The following PGM5 variants were observed in gnomAD, a reference collection of about 807,000 sequenced individuals.
PGM5 encodes the protein phosphoglucomutase 5, also known as phosphoglucomutase-like protein 5.
Under a neutral mutation model 59.2 loss-of-function variants are expected in PGM5, and 23 were observed. The observed-to-expected ratio is 0.39, with a 90% CI of 0.28 to 0.55. The LOEUF is 0.55. PGM5 is among the 20% of genes least tolerant of loss of function. The pLI is 0.66. For missense variants in PGM5, 574 were observed against 748.3 expected (o/e 0.77, Z 2.72); for synonymous variants, 214 against 286.0 (o/e 0.75, Z 2.54).
Position 68,395,517 on chromosome 9 carries a change from A to G in PGM5, c.1043+3044A>G, listed in dbSNP as rs1436111509. Among the ~76,000 whole-genome samples, 26 of 152,278 alleles carry G rather than the reference A, an allele frequency of 1.7e-4. 1 individual carries two copies. The highest frequency in any genetic ancestry group is 6.0e-4 in the African/African-American group (25 of 41,558). ...TTTTGATTGGGATTATGTTGAATCT[A>G]TAGAGCCATTTGGGGAGAATAGTAT... On this transcript the variant is annotated intron_variant, in intron 6 of 10. Transcript: ENST00000396396.
Position 68,373,653 on chromosome 9 carries a change from G to A in PGM5, c.262-4546G>A, listed in dbSNP as rs1436486053. 3.9e-5 allele frequency among the ~76,000 whole-genome samples: 6 copies of A among 152,212 alleles called. No individual in the cohort carries two copies. The East Asian group carries it at 1.2e-3, about 29-fold the overall frequency. ...GATTTGGCATTAAACTGTCGTTTAT[G>A]TTTCTTTCGCTACTGCTTAAGAAAA... is the stretch of plus-strand genomic sequence containing the variant. On this transcript the variant is annotated intron_variant, in intron 1 of 10. Coordinates refer to ENST00000396396, the MANE Select transcript of PGM5 (RefSeq NM_021965.4).
At chr9:68,482,342 G>T (rs1824211392) in intron 8 of PGM5, among the ~76,000 whole-genome samples, 1 of 152,022 alleles carries the variant, frequency 6.6e-6, no homozygotes, top group Admixed American at 6.6e-5. Flanking sequence ...TAAAGTGACT[G>T]CAGTCTCAGA....
chr9:68,368,686 C>T (rs1554676915), intron 1 of PGM5, among the ~76,000 whole-genome samples: 1 of 151,792 alleles, frequency 6.6e-6, no homozygotes, highest in African/African-American at 2.4e-5. Flanking sequence ...GTTCTGTCAT[C>T]CAGGCTGGAG....
chr9:68,359,160 C>G (rs1285043661), intron 1 of PGM5, among the ~76,000 whole-genome samples: 1 of 152,104 alleles, frequency 6.6e-6, no homozygotes, highest in Admixed American at 6.6e-5. Flanking sequence ...ATTTCTTGTC[C>G]CACTTTACCA....
In PGM5 at chr9:68,487,463, T is replaced by TACACACACACAC. The variant is rs67566624; in HGVS notation, c.1479+3439_1479+3450dup. Among the ~76,000 whole-genome samples, 669 of 141,860 alleles carry TACACACACACAC rather than the reference T, an allele frequency of 4.7e-3. 4 individuals are homozygous for TACACACACACAC. The highest frequency in any genetic ancestry group is 0.041 in the Middle Eastern group (12 of 290). 93.1% of individuals were successfully genotyped at this position (141,860 alleles called of 152,430 possible). ...TCTCTCTCTCTGTGTCACACGCACA[T>TACACACACACAC]ACACACACACACACACACACACACA... On this transcript the variant is annotated intron_variant, in intron 9 of 10. Transcript: ENST00000396396.
At chr9:68,388,554 T>C (rs1474307456) in intron 4 of PGM5, among the ~76,000 whole-genome samples, 1 of 152,030 alleles carries the variant, frequency 6.6e-6, no homozygotes, top group East Asian at 1.9e-4. Context: ...ACACCTTGAT[T>C]TACTCGTACA....
chr9:68,393,327 A>G (rs1370869108), intron 6 of PGM5, among the ~76,000 whole-genome samples: 3 of 150,178 alleles, frequency 2.0e-5, no homozygotes, highest in Non-Finnish European at 4.4e-5. Context: ...ATTAAAATAC[A>G]TAATATAATA....
chr9:68,413,828 C>G (rs1216394429), intron 6 of PGM5, among the ~76,000 whole-genome samples: 2 of 152,122 alleles, frequency 1.3e-5, no homozygotes, highest in African/African-American at 4.8e-5. Flanking sequence ...AAATAAGGTC[C>G]TTTTTCACCC....
chr9:68,479,646 G>A (rs1203574468), intron 8 of PGM5, 93 bp downstream of exon 8: 15 of 1,386,910 alleles, frequency 1.1e-5, no homozygotes, highest in Admixed American at 2.2e-5. Context: ...TTAAAAAGGA[G>A]GCATCAGGCC....
chr9:68,392,599 G>T, intron 6 of PGM5, 126 bp downstream of exon 6: 1 of 1,222,834 alleles, frequency 8.2e-7, no homozygotes, highest in Non-Finnish European at 1.1e-6. Flanking sequence ...TGGGAACACG[G>T]TATAGTGTAC....
chr9:68,434,781 C>T (rs1362179154), intron 6 of PGM5, among the ~76,000 whole-genome samples: 1 of 150,872 alleles, frequency 6.6e-6, no homozygotes, highest in African/African-American at 2.5e-5. Flanking sequence ...CAGCAAGACT[C>T]CATCTCAAAA....
At chr9:68,499,048 G>T (rs1587218195) in intron 9 of PGM5, 179 bp from the exon 10 acceptor site, 2 of 631,092 alleles carry the variant, frequency 3.2e-6, no homozygotes, top group Admixed American at 5.9e-5. Flanking sequence ...AGACAAATGG[G>T]TAACTCTAAG....
At chr9:68,508,561 T>C (rs1036976378) in intron 10 of PGM5, among the ~76,000 whole-genome samples, 9 of 152,252 alleles carry the variant, frequency 5.9e-5, no homozygotes, top group African/African-American at 1.7e-4. Context: ...CTAAAGCACA[T>C]GCTTAACCAG....
At chr9:68,393,645 G>A (rs1256481787) in intron 6 of PGM5, among the ~76,000 whole-genome samples, 1 of 152,056 alleles carries the variant, frequency 6.6e-6, no homozygotes, top group Non-Finnish European at 1.5e-5. Flanking sequence ...ACCAAATGTT[G>A]ATTAGGATAG....
chr9:68,372,747 T>A lies in PGM5; in HGVS notation c.262-5452T>A, dbSNP rs1201355965. 2.2e-4 allele frequency among the ~76,000 whole-genome samples: 34 copies of A among 152,326 alleles called. No homozygotes were observed. In the East Asian group the frequency reaches 6.4e-3, roughly 29 times the overall value. On this transcript the variant is annotated intron_variant, in intron 1 of 10. Transcript: ENST00000396396. ...AGCCTGGTGCCAGCATCTCCTTGGC[T>A]TCTGGTGAGGCCTCAGGAGCTTTTA...
chr9:68,381,547 A>T (rs1441407248), intron 2 of PGM5, among the ~76,000 whole-genome samples: 6 of 151,824 alleles, frequency 4.0e-5, no homozygotes, highest in Admixed American at 1.3e-4. Flanking sequence ...AAAATAAATA[A>T]AAGTCATCCA....
intron 6 of PGM5, among the ~76,000 whole-genome samples, chr9:68,422,179 A>G (rs1823141971): frequency 6.6e-6 from 1 of 152,140 alleles, no homozygotes; most frequent in African/African-American, 2.4e-5. Context: ...GCCAAGTAGG[A>G]GGAACAATCT....
At chr9:68,426,089 T>C (rs1823232313) in intron 6 of PGM5, among the ~76,000 whole-genome samples, 1 of 152,134 alleles carries the variant, frequency 6.6e-6, no homozygotes, top group African/African-American at 2.4e-5. Flanking sequence ...AAAAATTATG[T>C]CCATGATTAA....
At chr9:68,389,038 A>G (rs1822299931) in intron 4 of PGM5, among the ~76,000 whole-genome samples, 2 of 151,512 alleles carry the variant, frequency 1.3e-5, no homozygotes, top group Non-Finnish European at 2.9e-5. Flanking sequence ...TAATTATTCT[A>G]TTTCCCCTTC....
Sources: allele counts gnomAD v4.1 joint callset (sites outside exome capture counted in the v4.1 genomes callset), GRCh38; gene constraint gnomAD v4.1.1; transcripts MANE v1.5; gene names NCBI Gene and HGNC (gene_info 2026-07-23, HGNC 2026-07-21).